Variants in DHX57 observed in about 807,000 individuals in gnomAD.
The protein encoded by DHX57 is putative ATP-dependent RNA helicase DHX57.
Under a neutral mutation model 156.2 loss-of-function variants are expected in DHX57, and 105 were observed. The ratio of observed to expected loss-of-function variants is 0.67; its 90% CI spans 0.57 to 0.79. The LOEUF (loss-of-function observed/expected upper bound fraction) is 0.79, where lower values mean the gene tolerates loss of function less well. Among genes scored for constraint, DHX57 ranks in the 30% least tolerant of loss-of-function variants. The pLI, the probability that DHX57 is intolerant of heterozygous loss-of-function variation, is 0.00. For missense variants in DHX57, 1,847 were observed against 1,661.9 expected, an observed-to-expected ratio of 1.11 and a Z score of -1.94; for synonymous variants, 704 against 595.6, an observed-to-expected ratio of 1.18 and a Z score of -2.65.
chr2:38,849,640 C>A (rs1672477574), intron 9 of DHX57, among the ~76,000 whole-genome samples: 1 of 152,186 alleles, frequency 6.6e-6, no homozygotes, highest in African/African-American at 2.4e-5. Flanking sequence ...CTCTATATGG[C>A]ACGGTCTACA....
chr2:38,813,923 C>G (rs766312892), intron 20 of DHX57, 28 bp from the exon 21 acceptor site: 1 of 1,608,504 alleles, frequency 6.2e-7, no homozygotes, highest in Non-Finnish European at 8.5e-7. Context: ...CATTAATTAA[C>G]AAGTGATATG....
chr2:38,829,491 C>G (rs932854843), intron 13 of DHX57, among the ~76,000 whole-genome samples: 1 of 150,704 alleles, frequency 6.6e-6, no homozygotes, highest in African/African-American at 2.4e-5. Context: ...AGGCTGGTCT[C>G]GAACTCCTGA....
chr2:38,862,168 T>C lies in DHX57; in HGVS notation c.549A>G (p.Pro183=). Residue 183 remains proline, a synonymous_variant, in exon 4 of 24, where the codon CCA becomes CCG. Transcript: ENST00000457308. ...ACCTGGAAAGTTTTTGCACTGCAAA[T>C]GGGGAGACTGTAAATTCTGGAACAT... is the stretch of plus-strand genomic sequence containing the variant. ...EPYVPEFTVS[P]FAVQKLSRYG... 1 of 1,607,134 alleles carries C rather than the reference T, an allele frequency of 6.2e-7. No homozygotes were observed. The highest frequency in any genetic ancestry group is 1.7e-4 in the Middle Eastern group (1 of 6,036).
chr2:38,856,589 C>T, intron 6 of DHX57, 128 bp from the exon 7 acceptor site: 4 of 1,229,400 alleles, frequency 3.3e-6, no homozygotes, highest in East Asian at 5.5e-5. Context: ...CTCCAATCTG[C>T]ACTTCCCAGG....
chr2:38,798,223 C>A lies in DHX57; in HGVS notation c.*76G>T. ...GGCCAGCCCCAATAGGTCTTTAGTT[C>A]GAGGTAGAGGTTCTGCTGTTATTTC... On this transcript the variant is annotated 3_prime_UTR_variant, in exon 24 of 24. Transcript: ENST00000457308. The A allele has an allele frequency of 6.5e-7, 1 of 1,539,448 alleles. No homozygotes were observed. The highest frequency in any genetic ancestry group is 1.4e-5 in the African/African-American group (1 of 72,508).
At chr2:38,805,755 T>A (rs1324712936) in intron 22 of DHX57, among the ~76,000 whole-genome samples, 1 of 151,640 alleles carries the variant, frequency 6.6e-6, no homozygotes, top group East Asian at 1.9e-4. Flanking sequence ...TTTCAGCTTT[T>A]ATGTTTGAGA....
rs752793457 is a variant in DHX57, at chr2:38,828,346, C to T, written c.2633G>A (p.Ser878Asn). Residue 878 changes from serine to asparagine, a missense_variant, in exon 14 of 24, where the codon AGT becomes AAT. Physicochemically the swap from Ser to Asn is conservative, Grantham distance 46. Transcript: ENST00000457308. ...QSNSLFNNRR[S>N]NRCVIHPLHS... ...TAGAAAGCAATTAGCTTACCGATTA[C>T]TACGTCTGTTGTTGAAAAGAGAATT... 6.2e-7 allele frequency: 1 copy of T among 1,610,826 alleles called. No individual in the cohort carries two copies. The highest frequency in any genetic ancestry group is 8.5e-7 in the Non-Finnish European group (1 of 1,178,516).
rs1673193597 is a variant in DHX57, at chr2:38,861,314, G to A, written c.1096C>T (p.Pro366Ser). 1 of 1,614,006 alleles carries A rather than the reference G, an allele frequency of 6.2e-7. No individual in the cohort carries two copies. Among genetic ancestry groups the A allele is most frequent in the East Asian group, 2.2e-5 (1 of 44,882 alleles). Residue 366 changes from proline to serine, a missense_variant, in exon 5 of 24, where the codon CCC becomes TCC. By Grantham distance (74) the Pro-to-Ser change is moderately conservative. Coordinates refer to ENST00000457308, the MANE Select transcript of DHX57 (RefSeq NM_198963.3). ...AATGCCACGAGCGGAGCTTGGTAGG[G>A]ATATTTGTGGTCTTTAGAAAATCGA... ...EIRFSKDHKY[P>S]YQAPLVAFYS...
At chr2:38,849,068 G>C (rs1210747947) in intron 9 of DHX57, among the ~76,000 whole-genome samples, 1 of 152,054 alleles carries the variant, frequency 6.6e-6, no homozygotes, top group African/African-American at 2.4e-5. Context: ...TCTACTTCTT[G>C]ATATCTATGT....
chr2:38,837,348 C>T lies in DHX57; in HGVS notation c.2542+483G>A, dbSNP rs539181496. On this transcript the variant is annotated intron_variant, in intron 13 of 23. Coordinates refer to ENST00000457308, the MANE Select transcript of DHX57 (RefSeq NM_198963.3). ...GGACTAGGCCGGGCACGGTGGCTCA[C>T]GCCAATAATCCCAGCACTTTGGGAG... Among the ~76,000 whole-genome samples the T allele has an allele frequency of 2.3e-3, 355 of 152,074 alleles. 1 individual carries two copies. Among genetic ancestry groups the T allele is most frequent in the Non-Finnish European group, 3.7e-3 (251 of 67,984 alleles).
chr2:38,861,291 T>C lies in DHX57; in HGVS notation c.1119A>G (p.Ala373=), dbSNP rs1558402325. ...HKYPYQAPLV[A]FYSTNENLPL... ...GTAGGTTCTCATTGGTGGAATAAAA[T>C]GCCACGAGCGGAGCTTGGTAGGGAT... The change falls in exon 5 of 24, where the codon GCA becomes GCG. Residue 373 remains alanine (A), a synonymous_variant. Transcript: ENST00000457308. 6.2e-7 allele frequency: 1 copy of C among 1,614,134 alleles called. No homozygotes were observed. Among genetic ancestry groups the C allele is most frequent in the South Asian group, 1.1e-5 (1 of 91,086 alleles).
chr2:38,823,328 G>A, intron 16 of DHX57, 59 bp from the exon 17 acceptor site: 7 of 1,484,662 alleles, frequency 4.7e-6, no homozygotes, highest in Non-Finnish European at 6.4e-6. Flanking sequence ...TGACACAGAG[G>A]AATAATTTCT....
Position 38,822,598 on chromosome 2 carries a change from T to G in DHX57, c.3291+395A>C, listed in dbSNP as rs558928759. ...TTAATAGAGACAGGGTTTCACCATG[T>G]TGGCCAAGCTGGTCTCGAACTCCTG... On this transcript the variant is annotated intron_variant, in intron 17 of 23. Transcript: ENST00000457308. Among the ~76,000 whole-genome samples the G allele has an allele frequency of 2.4e-3, 363 of 152,212 alleles. 1 individual carries two copies. Among genetic ancestry groups the G allele is most frequent in the African/African-American group, 8.5e-3 (353 of 41,546 alleles).
chr2:38,864,469 A>G (rs1664945858), intron 2 of DHX57, among the ~76,000 whole-genome samples: 1 of 152,168 alleles, frequency 6.6e-6, no homozygotes, highest in African/African-American at 2.4e-5. Context: ...GTTAAACATG[A>G]GGGGGAGTTG....
rs1342252752 is a variant in DHX57 at position 38,819,048 on chromosome 2, C to A, written c.3387+1G>T. On this transcript the variant is annotated splice_donor_variant, in intron 18 of 23. Coordinates refer to ENST00000457308, the MANE Select transcript of DHX57 (RefSeq NM_198963.3). LOFTEE classifies it high-confidence loss of function. ...ACTAAGCTATTAGGTTATATACTTA[C>A]CTTATACGCTTGTAGAAGGGCCAGA... 1.2e-6 allele frequency: 2 copies of A among 1,614,064 alleles called. No individual in the cohort carries two copies. The highest frequency in any genetic ancestry group is 1.1e-5 in the South Asian group (1 of 91,082).
chr2:38,805,393 G>A (rs544220650), intron 22 of DHX57, among the ~76,000 whole-genome samples: 21 of 152,316 alleles, frequency 1.4e-4, no homozygotes, highest in African/African-American at 5.1e-4. Context: ...GTACACTCTG[G>A]ATATGAAGAT....
chr2:38,811,250 A>G (rs1388107793), intron 21 of DHX57: 1 of 508,518 alleles, frequency 2.0e-6, no homozygotes, highest in Middle Eastern at 6.4e-4. Flanking sequence ...CCCGGGAGCA[A>G]TGACCTTAAT....
intron 22 of DHX57, among the ~76,000 whole-genome samples, chr2:38,806,144 C>T (rs149638512): frequency 1.2e-4 from 18 of 152,266 alleles, no homozygotes; most frequent in African/African-American, 3.4e-4. Context: ...GCTTTGACAA[C>T]TAAGAAGTTA....
chr2:38,819,129 T>C lies in DHX57; in HGVS notation c.3307A>G (p.Lys1103Glu). ...TTTTTCTGGTTAGCTTCTTCTTTTT[T>C]ATCCCAGGGAGATACCTAAAGGAGA... is the stretch of plus-strand genomic sequence containing the variant. ...FKSPFVSPWD[K>E]KEEANQKKLE... Residue 1103 changes from lysine (K) to glutamate (E), a missense_variant, in exon 18 of 24, where the codon AAA becomes GAA. Transcript: ENST00000457308. 2 of 1,614,048 alleles carry C rather than the reference T, an allele frequency of 1.2e-6. No homozygotes were observed. Among genetic ancestry groups the C allele is most frequent in the East Asian group, 2.2e-5 (1 of 44,888 alleles).
Sources: gnomAD v4.1 joint callset for allele counts (sites outside exome capture counted in the v4.1 genomes callset) on GRCh38, gnomAD v4.1.1 for gene constraint, MANE v1.5 for transcripts, NCBI Gene and HGNC (gene_info 2026-07-23, HGNC 2026-07-21) for gene names.